Variants in REL observed in about 807,000 individuals in gnomAD.
REL encodes the protein REL proto-oncogene, NF-kB subunit, also known as proto-oncogene c-Rel.
REL carries 15 observed loss-of-function variants against 45.9 expected under a neutral mutation model. The ratio of observed to expected loss-of-function variants is 0.33; its 90% CI spans 0.22 to 0.50. The LOEUF is 0.50. REL is among the 20% of genes least tolerant of loss of function. REL has a pLI of 0.98. For synonymous variants in REL, 239 were observed against 242.1 expected, an observed-to-expected ratio of 0.99 and a Z score of 0.12; for missense variants, 601 against 715.2, an observed-to-expected ratio of 0.84 and a Z score of 1.82.
In REL at chr2:60,888,559, G is replaced by A. The variant is rs962700702; in HGVS notation, c.11-3124G>A. On this transcript the variant is annotated intron_variant, in intron 1 of 9. Coordinates refer to ENST00000394479, the MANE Select transcript of REL (RefSeq NM_001291746.2). ...TTAAAATATGCAAGGATAAAATCGT[G>A]AAATACTCATCTGCATATCTTATGT... Among the ~76,000 whole-genome samples, 3 of 152,298 alleles carry A rather than the reference G, an allele frequency of 2.0e-5. No homozygotes were observed. The East Asian group carries it at 5.8e-4, about 29-fold the overall frequency.
chr2:60,918,321 G>A, intron 6 of REL, 26 bp downstream of exon 6: 1 of 1,554,194 alleles, frequency 6.4e-7, no homozygotes, highest in Non-Finnish European at 8.8e-7. Flanking sequence ...ATTGAATTTA[G>A]AATAAATTTT....
chr2:60,892,788 T>C (rs1400527774), intron 2 of REL, among the ~76,000 whole-genome samples: 1 of 149,464 alleles, frequency 6.7e-6, no homozygotes, highest in East Asian at 2.0e-4. Flanking sequence ...GGAGTCTCAC[T>C]CTGTTGCCCA....
rs374006220 is a variant in REL at position 60,905,188 on chromosome 2, G to A, written c.394+4105G>A. ...CGGCTCACTGCAAGCTCCGCCTCCC[G>A]GGTTCACACCATTCTCCTGCCTCAG... On this transcript the variant is annotated intron_variant, in intron 4 of 9. Transcript: ENST00000394479. Among the ~76,000 whole-genome samples, 62 of 152,242 alleles carry A rather than the reference G, an allele frequency of 4.1e-4. 1 individual carries two copies. In the South Asian group the frequency reaches 0.011, roughly 26 times the overall value.
Position 60,881,741 on chromosome 2 carries a change from C to T in REL, c.-100C>T. The T allele has an allele frequency of 9.0e-7, 1 of 1,116,488 alleles. No homozygotes were observed. Among genetic ancestry groups the T allele is most frequent in the Non-Finnish European group, 1.3e-6 (1 of 780,668 alleles). The allele number at this position is 1,116,488 out of a possible 1,614,324, so 69.2% of individuals were successfully genotyped here. On this transcript the variant is annotated 5_prime_UTR_variant, in exon 1 of 10. Coordinates refer to ENST00000394479, the MANE Select transcript of REL (RefSeq NM_001291746.2). ...CTAGGGTGGTCGGGGGACTGGGGGC[C>T]CCGCCGGCAGAGGTCCCTCGGCCTC... is the stretch of plus-strand genomic sequence containing the variant.
At position 60,926,143 on chromosome 2, in the gene REL, CT is replaced by C; in HGVS notation, c.*3611del. 1 of 231,804 alleles carries C rather than the reference CT, an allele frequency of 4.3e-6. No homozygotes were observed. The highest frequency in any genetic ancestry group is 8.6e-6 in the Non-Finnish European group (1 of 116,792). 14.4% of individuals were successfully genotyped at this position (231,804 alleles called of 1,614,324 possible). ...CTACTTGTGCACTGGATCCCTCCTC[CT>C]TTCTCTGCCAGGCTGTGTTTACTTT... On this transcript the variant is annotated 3_prime_UTR_variant, in exon 10 of 10. Coordinates refer to ENST00000394479, the MANE Select transcript of REL (RefSeq NM_001291746.2).
chr2:60,911,070 G>A (rs987640603), intron 4 of REL, among the ~76,000 whole-genome samples: 7 of 152,072 alleles, frequency 4.6e-5, no homozygotes, highest in African/African-American at 9.7e-5. Context: ...AGAAACATTC[G>A]CTTTGAAGTT....
intron 3 of REL, chr2:60,899,131 G>A (rs1373717035): frequency 2.0e-5 from 3 of 152,240 alleles, no homozygotes; most frequent in Non-Finnish European, 4.4e-5. Context: ...TTTCAAAGAA[G>A]TGGAAATACT....
chr2:60,887,381 T>A (rs1315362478), intron 1 of REL, among the ~76,000 whole-genome samples: 1 of 152,094 alleles, frequency 6.6e-6, no homozygotes, highest in Non-Finnish European at 1.5e-5. Flanking sequence ...ATATGATTAT[T>A]TAACGTTTGA....
intron 1 of REL, among the ~76,000 whole-genome samples, chr2:60,886,919 T>C (rs1573310843): frequency 6.6e-6 from 1 of 152,190 alleles, no homozygotes; most frequent in South Asian, 2.1e-4. Context: ...ATTCAGAATA[T>C]AGGGGTCAGT....
At chr2:60,889,626 C>T (rs1673158071) in intron 1 of REL, among the ~76,000 whole-genome samples, 1 of 152,054 alleles carries the variant, frequency 6.6e-6, no homozygotes. Context: ...TCCCCCACCC[C>T]ACAACAGGCC....
intron 1 of REL, among the ~76,000 whole-genome samples, chr2:60,885,895 T>G (rs1673060153): frequency 6.6e-6 from 1 of 152,246 alleles, no homozygotes; most frequent in Non-Finnish European, 1.5e-5. Flanking sequence ...ATTTACTTTT[T>G]AAATAAATGA....
chr2:60,925,809 C>T lies in REL; in HGVS notation c.*3274C>T, dbSNP rs992018509. On this transcript the variant is annotated 3_prime_UTR_variant, in exon 10 of 10. Coordinates refer to ENST00000394479, the MANE Select transcript of REL (RefSeq NM_001291746.2). ...GGTTTTTTTCTTTAAACTAATTAAG[C>T]GTTGGCTACTTAGTATAAGTAAGTA... 9.4e-6 allele frequency: 2 copies of T among 211,888 alleles called. No individual in the cohort carries two copies. Among genetic ancestry groups the T allele is most frequent in the Admixed American group, 5.9e-5 (1 of 16,908 alleles). The allele number at this position is 211,888 out of a possible 1,614,324, so 13.1% of individuals were successfully genotyped here. A position where few individuals can be genotyped will look rare whatever the true frequency, so the allele number is the denominator to read the frequency against.
chr2:60,893,450 GT>G (rs1328957727), intron 2 of REL, among the ~76,000 whole-genome samples: 2 of 152,260 alleles, frequency 1.3e-5, no homozygotes, highest in South Asian at 2.1e-4. Context: ...TATTTGTCCA[GT>G]TTTTTGAGTC....
chr2:60,906,913 ATT>A (rs1162627805), intron 4 of REL, among the ~76,000 whole-genome samples: 4 of 104,314 alleles, frequency 3.8e-5, no homozygotes, highest in East Asian at 4.7e-4. Flanking sequence ...ATATATATAT[ATT>A]TTTTTTTTTT....
At chr2:60,887,710 G>A (rs1429983368) in intron 1 of REL, among the ~76,000 whole-genome samples, 1 of 150,272 alleles carries the variant, frequency 6.7e-6, no homozygotes, top group African/African-American at 2.4e-5. Context: ...CCCCCAGCTT[G>A]TTAATTTTTA....
Position 60,922,717 on chromosome 2 carries a change from A to G in REL, c.*182A>G. On this transcript the variant is annotated 3_prime_UTR_variant, in exon 10 of 10. Coordinates refer to ENST00000394479, the MANE Select transcript of REL (RefSeq NM_001291746.2). Reference sequence around the variant, plus strand: ...AGGGAAGAAGCATACAACTTTGGACATAGCGAATACAAAATTGGAAGCTGT... The same window carrying G: ...AGGGAAGAAGCATACAACTTTGGACGTAGCGAATACAAAATTGGAAGCTGT... 2.4e-6 allele frequency: 3 copies of G among 1,226,040 alleles called. No individual in the cohort carries two copies. The highest frequency in any genetic ancestry group is 2.7e-5 in the South Asian group (1 of 36,496). The allele number at this position is 1,226,040 out of a possible 1,614,324, so 75.9% of individuals were successfully genotyped here. A position where few individuals can be genotyped will look rare whatever the true frequency, so the allele number is the denominator to read the frequency against.
Position 60,881,639 on chromosome 2 carries a change from C to G in REL, c.-202C>G. 1.9e-6 allele frequency: 1 copy of G among 523,096 alleles called. No individual in the cohort carries two copies. 32.4% of individuals were successfully genotyped at this position (523,096 alleles called of 1,614,324 possible). A position where few individuals can be genotyped will look rare whatever the true frequency, so the allele number is the denominator to read the frequency against. ...TACGGTGGACGGCGACGCTGGGTGA[C>G]CCGGGGTGCAAGAATTCAGGGGTTG... is the stretch of plus-strand genomic sequence containing the variant. On this transcript the variant is annotated 5_prime_UTR_variant, in exon 1 of 10. Coordinates refer to ENST00000394479, the MANE Select transcript of REL (RefSeq NM_001291746.2).
At chr2:60,906,683 C>T (rs1673660738) in intron 4 of REL, among the ~76,000 whole-genome samples, 1 of 151,974 alleles carries the variant, frequency 6.6e-6, no homozygotes, top group Non-Finnish European at 1.5e-5. Flanking sequence ...TTTCTTACCT[C>T]TGTGCTTTTA....
Position 60,930,900 on chromosome 2 carries a change from CA to C in REL, c.*8366del, listed in dbSNP as rs1674370593. The C allele has an allele frequency of 6.6e-6, 1 of 152,268 alleles. No homozygotes were observed. Among genetic ancestry groups the C allele is most frequent in the African/African-American group, 2.4e-5 (1 of 41,424 alleles). 9.4% of individuals were successfully genotyped at this position (152,268 alleles called of 1,614,324 possible). On this transcript the variant is annotated 3_prime_UTR_variant, in exon 10 of 10. Transcript: ENST00000394479. ...ACACTTGTGTGTGAATAGTAATACA[CA>C]GTAATTAGTACAGCATGTTGCTTCT...
Sources: allele counts gnomAD v4.1 joint callset (sites outside exome capture counted in the v4.1 genomes callset), GRCh38; gene constraint gnomAD v4.1.1; transcripts MANE v1.5; gene names NCBI Gene and HGNC (gene_info 2026-07-23, HGNC 2026-07-21).